ADRA1A: variants seen among roughly 807,000 people sequenced by gnomAD.
ADRA1A encodes the protein adrenoceptor alpha 1A, also known as alpha-1A adrenergic receptor.
Under a neutral mutation model 29.6 loss-of-function variants are expected in ADRA1A, and 31 were observed. That is an observed-to-expected ratio of 1.05 (90% confidence interval 0.79 to 1.41). The LOEUF (loss-of-function observed/expected upper bound fraction) is 1.41, where lower values mean the gene tolerates loss of function less well. Among genes scored for constraint, ADRA1A ranks in the 40% most tolerant of loss-of-function variants. ADRA1A has a pLI of 0.00. For synonymous variants in ADRA1A, 311 were observed against 254.3 expected, an observed-to-expected ratio of 1.22 and a Z score of -2.12; for missense variants, 619 against 601.1, an observed-to-expected ratio of 1.03 and a Z score of -0.31.
At chr8:26,830,855 G>C (rs1045176071) in intron 2 of ADRA1A, among the ~76,000 whole-genome samples, 1 of 152,194 alleles carries the variant, frequency 6.6e-6, no homozygotes, top group Non-Finnish European at 1.5e-5. Flanking sequence ...AAGCTGGGTT[G>C]TTGCAGTAGC....
intron 2 of ADRA1A, among the ~76,000 whole-genome samples, chr8:26,835,510 G>T (rs1278599513): frequency 6.6e-6 from 1 of 152,180 alleles, no homozygotes; most frequent in African/African-American, 2.4e-5. Flanking sequence ...TCACAGCGCA[G>T]CAGGAGAGAG....
intron 2 of ADRA1A, chr8:26,835,907 A>G (rs1811318013): frequency 6.5e-6 from 1 of 153,952 alleles, no homozygotes; most frequent in Admixed American, 6.5e-5. Context: ...CAGGGTGAGG[A>G]TCACCATGTA....
chr8:26,788,616 C>T (rs912694822), intron 2 of ADRA1A, among the ~76,000 whole-genome samples: 8 of 152,160 alleles, frequency 5.3e-5, no homozygotes, highest in Non-Finnish European at 1.0e-4. Flanking sequence ...CTCATCTCCT[C>T]ATATCAACCA....
chr8:26,770,043 C>T lies in ADRA1A; in HGVS notation c.*106G>A, dbSNP rs1409170244. ...CACCCACCCCATTCCCAGCAGGTCCCCTCTTTGATTGGTCCTGTCTTGTCC... is the reference window on the plus strand; with the variant it reads ...CACCCACCCCATTCCCAGCAGGTCCTCTCTTTGATTGGTCCTGTCTTGTCC... On this transcript the variant is annotated 3_prime_UTR_variant, in exon 3 of 3. Transcript: ENST00000380573. 6.7e-7 allele frequency: 1 copy of T among 1,482,224 alleles called. No individual in the cohort carries two copies. The highest frequency in any genetic ancestry group is 8.9e-7 in the Non-Finnish European group (1 of 1,118,130). 91.8% of individuals were successfully genotyped at this position (1,482,224 alleles called of 1,614,324 possible).
Position 26,826,635 on chromosome 8 carries a change from C to T in ADRA1A, c.883+37452G>A, listed in dbSNP as rs1030735443. Among the ~76,000 whole-genome samples, 9 of 152,172 alleles carry T rather than the reference C, an allele frequency of 5.9e-5. No individual in the cohort carries two copies. In the South Asian group the frequency reaches 6.2e-4, roughly 11 times the overall value. Reference sequence around the variant, plus strand: ...TGCTTACCTCCCAGTCTGACCCCTGCGGTGCTCATCGACCCTATGCCCTTG... The same window carrying T: ...TGCTTACCTCCCAGTCTGACCCCTGTGGTGCTCATCGACCCTATGCCCTTG... On this transcript the variant is annotated intron_variant, in intron 2 of 2. Coordinates refer to ENST00000380573, the MANE Select transcript of ADRA1A (RefSeq NM_000680.4).
chr8:26,840,300 G>T (rs1811723904), intron 2 of ADRA1A, among the ~76,000 whole-genome samples: 1 of 152,198 alleles, frequency 6.6e-6, no homozygotes, highest in Non-Finnish European at 1.5e-5. Context: ...TGGGGTTTGG[G>T]AAAGTAGCGG....
At chr8:26,861,528 T>G (rs1483778383) in intron 2 of ADRA1A, among the ~76,000 whole-genome samples, 1 of 152,142 alleles carries the variant, frequency 6.6e-6, no homozygotes, top group Non-Finnish European at 1.5e-5. Context: ...TTTAAAGATG[T>G]TGATATATCC....
At chr8:26,843,927 G>A (rs2036107) in intron 2 of ADRA1A, among the ~76,000 whole-genome samples, 101,756 of 152,142 alleles carry the variant, frequency 0.67, 34,506 homozygotes, top group African/African-American at 0.76. Context: ...GTTAGTGCAT[G>A]AAGCAAGTTA....
chr8:26,828,312 T>C (rs1395550679), intron 2 of ADRA1A, among the ~76,000 whole-genome samples: 1 of 152,218 alleles, frequency 6.6e-6, no homozygotes, highest in African/African-American at 2.4e-5. Flanking sequence ...AGAATAAAGA[T>C]GACTGTCTAA....
intron 2 of ADRA1A, among the ~76,000 whole-genome samples, chr8:26,817,443 G>T (rs1484102100): frequency 6.6e-6 from 1 of 152,152 alleles, no homozygotes; most frequent in Non-Finnish European, 1.5e-5. Context: ...AATGCAAAAT[G>T]ATACAACCAC....
chr8:26,795,171 A>G (rs1808108915), intron 2 of ADRA1A, among the ~76,000 whole-genome samples: 1 of 152,084 alleles, frequency 6.6e-6, no homozygotes, highest in African/African-American at 2.4e-5. Flanking sequence ...CAGGAAACAT[A>G]CAAGAACAGA....
At chr8:26,793,058 G>T (rs1807946700) in intron 2 of ADRA1A, among the ~76,000 whole-genome samples, 1 of 151,626 alleles carries the variant, frequency 6.6e-6, no homozygotes, top group Non-Finnish European at 1.5e-5. Context: ...AACTGAGACG[G>T]TAATATTAGT....
chr8:26,837,637 AG>A (rs1272777504), intron 2 of ADRA1A, among the ~76,000 whole-genome samples: 5 of 139,592 alleles, frequency 3.6e-5, no homozygotes, highest in African/African-American at 1.1e-4. Context: ...GGTGACAGAG[AG>A]AGACTCTGTC....
At chr8:26,832,345 C>T (rs540134631) in intron 2 of ADRA1A, among the ~76,000 whole-genome samples, 1 of 152,264 alleles carries the variant, frequency 6.6e-6, no homozygotes, top group African/African-American at 2.4e-5. Context: ...GAATCTCTCC[C>T]ATAGAAGTAA....
rs141672591 is a variant in ADRA1A, at chr8:26,850,025, C to CAAAAAACAAAAAACA, written c.883+14061_883+14062insTGTTTTTTGTTTTTT. ...AAAAGTGACTAATGAGAGAGAAATG[C>CAAAAAACAAAAAACA]AAAAACAAAAAACAAAAAACAAAAA... is the stretch of plus-strand genomic sequence containing the variant. On this transcript the variant is annotated intron_variant, in intron 2 of 2. Coordinates refer to ENST00000380573, the MANE Select transcript of ADRA1A (RefSeq NM_000680.4). Among the ~76,000 whole-genome samples, 329 of 121,590 alleles carry CAAAAAACAAAAAACA rather than the reference C, an allele frequency of 2.7e-3. 6 individuals are homozygous for CAAAAAACAAAAAACA. Among genetic ancestry groups the CAAAAAACAAAAAACA allele is most frequent in the Admixed American group, 0.015 (187 of 12,354 alleles). 79.8% of individuals were successfully genotyped at this position (121,590 alleles called of 152,430 possible).
chr8:26,799,757 T>C (rs1808435912), intron 2 of ADRA1A, among the ~76,000 whole-genome samples: 1 of 152,210 alleles, frequency 6.6e-6, no homozygotes. Flanking sequence ...AATAAGTGAA[T>C]ATTTTAGACT....
At chr8:26,811,282 T>G (rs1478206495) in intron 2 of ADRA1A, among the ~76,000 whole-genome samples, 3 of 152,086 alleles carry the variant, frequency 2.0e-5, no homozygotes, top group Non-Finnish European at 4.4e-5. Flanking sequence ...AAGCTCTGCC[T>G]TCCAGGCTCA....
At chr8:26,842,951 A>T (rs1056983552) in intron 2 of ADRA1A, among the ~76,000 whole-genome samples, 39 of 150,248 alleles carry the variant, frequency 2.6e-4, no homozygotes, top group Middle Eastern at 3.5e-3. Context: ...TGCTGTGTTC[A>T]CTCCTGTCTT....
intron 2 of ADRA1A, among the ~76,000 whole-genome samples, chr8:26,849,721 G>A (rs1020374235): frequency 7.2e-5 from 11 of 152,172 alleles, no homozygotes; most frequent in African/African-American, 2.4e-4. Context: ...CCTATGAAAA[G>A]CTTCAGCTAT....
Sources: gnomAD v4.1 joint callset for allele counts (sites outside exome capture counted in the v4.1 genomes callset) on GRCh38, gnomAD v4.1.1 for gene constraint, MANE v1.5 for transcripts, NCBI Gene and HGNC (gene_info 2026-07-23, HGNC 2026-07-21) for gene names.